The following TPD52 variants were observed in gnomAD, a reference collection of about 807,000 sequenced individuals.
TPD52 encodes the protein tumor protein D52.
TPD52 carries 17 observed loss-of-function variants against 31.3 expected under a neutral mutation model. The ratio of observed to expected loss-of-function variants is 0.54; its 90% CI spans 0.37 to 0.82. The LOEUF is 0.82. Among genes scored for constraint, TPD52 ranks in the 40% least tolerant of loss-of-function variants. TPD52 has a pLI of 0.00. For synonymous variants in TPD52, 83 were observed against 89.6 expected (o/e 0.93, Z 0.42); for missense variants, 212 against 240.1 (o/e 0.88, Z 0.77).
intron 1 of TPD52, among the ~76,000 whole-genome samples, chr8:80,147,754 A>G (rs1011333041): frequency 7.9e-5 from 12 of 152,016 alleles, no homozygotes; most frequent in Non-Finnish European, 1.5e-4. Context: ...CCCTCTAGCC[A>G]CTACCATTCT....
intron 1 of TPD52, among the ~76,000 whole-genome samples, chr8:80,094,754 C>A (rs1244211673): frequency 2.7e-5 from 4 of 147,260 alleles, no homozygotes; most frequent in Non-Finnish European, 1.5e-5. Context: ...ACATATTCTA[C>A]CATAATTTAA....
rs556273395 is a variant in TPD52 at position 80,170,272 on chromosome 8, G to A, written c.19+1153C>T. On this transcript the variant is annotated intron_variant, in intron 1 of 7. Transcript: ENST00000518937. ...CTCTACTAAAAATACAAAATTAGCCGGGCTGTGGTGGCGCACACCTGTAAT... is the reference window on the plus strand; with the variant it reads ...CTCTACTAAAAATACAAAATTAGCCAGGCTGTGGTGGCGCACACCTGTAAT... Among the ~76,000 whole-genome samples, 8 of 151,986 alleles carry A rather than the reference G, an allele frequency of 5.3e-5. No individual in the cohort carries two copies. In the East Asian group the frequency reaches 7.7e-4, roughly 15 times the overall value.
chr8:80,096,444 C>T (rs1816748722), intron 1 of TPD52, among the ~76,000 whole-genome samples: 1 of 151,964 alleles, frequency 6.6e-6, no homozygotes, highest in Non-Finnish European at 1.5e-5. Context: ...TACAGGCATA[C>T]TCCTGTTTTA....
At chr8:80,124,275 C>A (rs1808455660) in intron 1 of TPD52, among the ~76,000 whole-genome samples, 1 of 152,100 alleles carries the variant, frequency 6.6e-6, no homozygotes, top group Non-Finnish European at 1.5e-5. Context: ...AAGTGATCCT[C>A]CTACCTCAGC....
intron 1 of TPD52, among the ~76,000 whole-genome samples, chr8:80,125,062 T>C (rs1402023588): frequency 2.6e-5 from 4 of 152,176 alleles, no homozygotes; most frequent in African/African-American, 9.6e-5. Flanking sequence ...ACAAGTGAGT[T>C]AAGAAACCAC....
downstream of TPD52, chr8:80,032,814 G>A (rs1305359950): frequency 6.6e-6 from 1 of 152,314 alleles, no homozygotes; most frequent in Non-Finnish European, 1.5e-5. Context: ...AAGTTCTTAG[G>A]ATGTCGCTTC....
Position 80,036,371 on chromosome 8 carries a change from TA to T in TPD52, c.*1744del. 6.6e-6 allele frequency: 1 copy of T among 152,608 alleles called. No homozygotes were observed. Among genetic ancestry groups the T allele is most frequent in the South Asian group, 2.1e-4 (1 of 4,826 alleles). The allele number at this position is 152,608 out of a possible 1,614,324, so 9.5% of individuals were successfully genotyped here. On this transcript the variant is annotated 3_prime_UTR_variant, in exon 8 of 8. Transcript: ENST00000518937. ...CACTTGAGTAAGCACAATATTTCTA[TA>T]GAAAGACAGACTTCTACAGATCCAC...
At chr8:80,047,110 A>C (rs1339993495) in intron 5 of TPD52, among the ~76,000 whole-genome samples, 2 of 152,214 alleles carry the variant, frequency 1.3e-5, no homozygotes, top group Non-Finnish European at 2.9e-5. Flanking sequence ...AGTGCTGGAC[A>C]GTGCCTAGAG....
intron 1 of TPD52, among the ~76,000 whole-genome samples, chr8:80,082,947 G>C (rs1163572259): frequency 6.6e-6 from 1 of 152,046 alleles, no homozygotes; most frequent in Non-Finnish European, 1.5e-5. Flanking sequence ...GCAACATCCT[G>C]GCTCTTTGAA....
At chr8:80,133,767 T>TAA (rs397946185) in intron 1 of TPD52, among the ~76,000 whole-genome samples, 33 of 113,016 alleles carry the variant, frequency 2.9e-4, no homozygotes, top group African/African-American at 7.7e-4. Context: ...CCGCTGATGC[T>TAA]AAAAAAAAAA....
At chr8:80,168,002 C>T (rs1211123589) in intron 1 of TPD52, among the ~76,000 whole-genome samples, 1 of 152,208 alleles carries the variant, frequency 6.6e-6, no homozygotes, top group East Asian at 1.9e-4. Flanking sequence ...GTTAGCAACA[C>T]TGCTCTATCA....
intron 1 of TPD52, among the ~76,000 whole-genome samples, chr8:80,102,440 T>C (rs1422203815): frequency 1.3e-5 from 2 of 152,186 alleles, no homozygotes; most frequent in South Asian, 2.1e-4. Flanking sequence ...TGACATATCA[T>C]TTCTGCTATA....
intron 1 of TPD52, among the ~76,000 whole-genome samples, chr8:80,068,368 A>AT (rs1234178442): frequency 2.0e-5 from 3 of 152,194 alleles, no homozygotes; most frequent in Non-Finnish European, 2.9e-5. Flanking sequence ...ATCAATGATC[A>AT]TGGCAGGACA....
intron 1 of TPD52, among the ~76,000 whole-genome samples, chr8:80,090,401 T>A (rs904736762): frequency 6.6e-6 from 1 of 150,924 alleles, no homozygotes; most frequent in Non-Finnish European, 1.5e-5. Flanking sequence ...CAAATGTGTG[T>A]GTTTAAGAGC....
At chr8:80,106,093 T>C (rs1807090757) in intron 1 of TPD52, among the ~76,000 whole-genome samples, 1 of 151,882 alleles carries the variant, frequency 6.6e-6, no homozygotes, top group Admixed American at 6.6e-5. Flanking sequence ...TTTTTGTGGG[T>C]TTTTAGATTT....
intron 1 of TPD52, among the ~76,000 whole-genome samples, chr8:80,095,955 T>C (rs1816696963): frequency 1.3e-5 from 2 of 151,162 alleles, no homozygotes; most frequent in South Asian, 4.2e-4. Flanking sequence ...TCTACATACA[T>C]ACATACATAC....
At chr8:80,089,647 C>A (rs889315597) in intron 1 of TPD52, among the ~76,000 whole-genome samples, 3 of 152,174 alleles carry the variant, frequency 2.0e-5, no homozygotes, top group Non-Finnish European at 4.4e-5. Flanking sequence ...CTAAAAAGGG[C>A]AAGCAATGAC....
At chr8:80,080,160 T>C (rs1221972105) in intron 1 of TPD52, among the ~76,000 whole-genome samples, 1 of 152,242 alleles carries the variant, frequency 6.6e-6, no homozygotes, top group African/African-American at 2.4e-5. Flanking sequence ...GAGCCATCTA[T>C]CTCTGTACTT....
At chr8:80,156,366 A>G (rs1810974038) in intron 1 of TPD52, among the ~76,000 whole-genome samples, 1 of 152,204 alleles carries the variant, frequency 6.6e-6, no homozygotes, top group Non-Finnish European at 1.5e-5. Flanking sequence ...TAGCCTTAGA[A>G]GTCACATGGT....
Sources: allele counts gnomAD v4.1 joint callset (sites outside exome capture counted in the v4.1 genomes callset), GRCh38; gene constraint gnomAD v4.1.1; transcripts MANE v1.5; gene names NCBI Gene and HGNC (gene_info 2026-07-23, HGNC 2026-07-21).